Variants in UTRN observed in about 807,000 individuals in gnomAD.
UTRN encodes the protein utrophin, also known as dystrophin-related protein 1.
A neutral mutation model predicts 463.9 loss-of-function variants in UTRN; 283 were observed. The ratio of observed to expected loss-of-function variants is 0.61; its 90% CI spans 0.55 to 0.67. UTRN has a LOEUF of 0.67. Among genes scored for constraint, UTRN ranks in the 30% least tolerant of loss-of-function variants. UTRN has a pLI of 0.00. For synonymous variants in UTRN, 1,442 were observed against 1,431.5 expected (o/e 1.01, Z -0.17); for missense variants, 3,922 against 4,084.3 (o/e 0.96, Z 1.08).
At chr6:144,788,370 A>G (rs1776464569) in intron 61 of UTRN, among the ~76,000 whole-genome samples, 1 of 152,164 alleles carries the variant, frequency 6.6e-6, no homozygotes. Flanking sequence ...CTTAATTAAT[A>G]CTTAATTACC....
intron 51 of UTRN, 115 bp from the exon 52 acceptor site, chr6:144,678,291 A>AT: frequency 9.9e-7 from 1 of 1,014,812 alleles, no homozygotes; most frequent in Non-Finnish European, 1.4e-6. Context: ...AAGCACTTGA[A>AT]TTTCTTATAA....
Position 144,686,017 on chromosome 6 carries a change from T to C in UTRN, c.7652+7439T>C, listed in dbSNP as rs141986180. Among the ~76,000 whole-genome samples, 1,407 of 152,304 alleles carry C rather than the reference T, an allele frequency of 9.2e-3. 17 individuals are homozygous for C. Among genetic ancestry groups the C allele is most frequent in the African/African-American group, 0.032 (1,346 of 41,584 alleles). On this transcript the variant is annotated intron_variant, in intron 52 of 74. Transcript: ENST00000367545. ...TTTCCTAGAATTTCTTCTAAAATTGTTAATGGTTTCAGGTCTTAGATTTAA... is the reference window on the plus strand; with the variant it reads ...TTTCCTAGAATTTCTTCTAAAATTGCTAATGGTTTCAGGTCTTAGATTTAA...
intron 74 of UTRN, among the ~76,000 whole-genome samples, chr6:144,849,227 G>C (rs1210222154): frequency 6.6e-6 from 1 of 152,088 alleles, no homozygotes; most frequent in Non-Finnish European, 1.5e-5. Context: ...ATCTCTATAT[G>C]ACTAGAATAC....
At position 144,426,330 on chromosome 6, in the gene UTRN, C is replaced by T. The variant is rs755926708; in HGVS notation, c.449C>T (p.Thr150Met). Residue 150 changes from threonine to methionine, a missense_variant, in exon 7 of 75, where the codon ACG (threonine) becomes ATG (methionine). Coordinates refer to ENST00000367545, the MANE Select transcript of UTRN (RefSeq NM_007124.3). Reference sequence around the variant, plus strand: ...GATGTCATGTCGGACCTGCAGCAGACGAACAGTGAGAAGATCCTGCTCAGC... The same window carrying T: ...GATGTCATGTCGGACCTGCAGCAGATGAACAGTGAGAAGATCCTGCTCAGC... ...MKDVMSDLQQ[T>M]NSEKILLSWV... The T allele has an allele frequency of 2.2e-5, 36 of 1,614,022 alleles. No individual in the cohort carries two copies. The highest frequency in any genetic ancestry group is 1.7e-4 in the Middle Eastern group (1 of 6,058).
chr6:144,525,490 C>CA (rs1796488912), intron 41 of UTRN, among the ~76,000 whole-genome samples: 1 of 151,852 alleles, frequency 6.6e-6, no homozygotes, highest in Non-Finnish European at 1.5e-5. Context: ...TTCATAATAG[C>CA]CTTGATCTTT....
chr6:144,613,427 T>G (rs1472849097), intron 51 of UTRN, among the ~76,000 whole-genome samples: 1 of 152,058 alleles, frequency 6.6e-6, no homozygotes, highest in Non-Finnish European at 1.5e-5. Flanking sequence ...AATCGGTTAA[T>G]TAGTTTGATT....
chr6:144,541,805 G>A (rs1233255935), intron 45 of UTRN, among the ~76,000 whole-genome samples: 1 of 152,190 alleles, frequency 6.6e-6, no homozygotes, highest in East Asian at 1.9e-4. Flanking sequence ...GCTGTGGAAG[G>A]TTTTGTTGAA....
rs201450683 is a variant in UTRN at position 144,489,059 on chromosome 6, T to TTATTC, written c.4134+225_4134+226insTATTC. On this transcript the variant is annotated intron_variant, in intron 30 of 74. Transcript: ENST00000367545. ...TTATTTTATTTTATTTTATTTTATT[T>TTATTC]ATTTATTTGAGACAGAATCCCACTA... Among the ~76,000 whole-genome samples, 74 of 152,020 alleles carry TTATTC rather than the reference T, an allele frequency of 4.9e-4. 1 individual carries two copies. The highest frequency in any genetic ancestry group is 1.6e-3 in the African/African-American group (66 of 41,436).
intron 52 of UTRN, among the ~76,000 whole-genome samples, chr6:144,696,203 A>T (rs963085362): frequency 2.0e-5 from 3 of 148,688 alleles, no homozygotes; most frequent in East Asian, 2.0e-4. Context: ...AAACTACTAA[A>T]TTTTTTTTTT....
chr6:144,616,167 G>A (rs1425018888), intron 51 of UTRN, among the ~76,000 whole-genome samples: 4 of 152,134 alleles, frequency 2.6e-5, no homozygotes, highest in Non-Finnish European at 1.5e-5. Flanking sequence ...CAGTTACTCT[G>A]AATTAGATAA....
intron 9 of UTRN, among the ~76,000 whole-genome samples, chr6:144,434,054 T>C (rs1320161584): frequency 6.6e-6 from 1 of 152,204 alleles, no homozygotes; most frequent in African/African-American, 2.4e-5. Flanking sequence ...CTGGGCACCA[T>C]TGAGCGCTGA....
intron 51 of UTRN, among the ~76,000 whole-genome samples, chr6:144,578,384 G>T (rs888309341): frequency 3.3e-5 from 5 of 152,130 alleles, no homozygotes; most frequent in Admixed American, 6.5e-5. Flanking sequence ...GCCCAGGCTG[G>T]AGTGTAGTGG....
intron 25 of UTRN, among the ~76,000 whole-genome samples, chr6:144,478,219 T>C (rs185990175): frequency 3.2e-4 from 48 of 152,318 alleles, no homozygotes; most frequent in Middle Eastern, 6.8e-3. Context: ...AAAGGAACAT[T>C]TTAATGCCAA....
chr6:144,423,951 C>G, intron 5 of UTRN, 35 bp from the exon 6 acceptor site: 2 of 1,595,126 alleles, frequency 1.3e-6, no homozygotes, highest in South Asian at 1.1e-5. Flanking sequence ...GTCTTAAAAG[C>G]GTTTTTGTTT....
chr6:144,744,628 C>T (rs1325975883), intron 54 of UTRN, among the ~76,000 whole-genome samples: 3 of 55,860 alleles, frequency 5.4e-5, no homozygotes, highest in Non-Finnish European at 7.7e-5. Context: ...CACACACACA[C>T]ATACACACAC....
At chr6:144,798,255 G>A (rs73594586) in intron 64 of UTRN, among the ~76,000 whole-genome samples, 4,855 of 152,094 alleles carry the variant, frequency 0.032, 255 homozygotes, top group African/African-American at 0.11. Flanking sequence ...TGTTTACTTA[G>A]GTCACAGAAA....
intron 63 of UTRN, among the ~76,000 whole-genome samples, chr6:144,796,992 G>A (rs1006900495): frequency 1.3e-5 from 2 of 152,032 alleles, no homozygotes; most frequent in African/African-American, 4.8e-5. Flanking sequence ...AATTGAAGAG[G>A]GATTGGGGAG....
intron 50 of UTRN, among the ~76,000 whole-genome samples, chr6:144,567,596 G>A (rs1049701522): frequency 4.6e-5 from 7 of 152,254 alleles, no homozygotes; most frequent in African/African-American, 1.7e-4. Flanking sequence ...ATGCTTTAAT[G>A]TATTTCCCAG....
At chr6:144,654,085 TG>T (rs536452564) in intron 51 of UTRN, among the ~76,000 whole-genome samples, 8 of 152,222 alleles carry the variant, frequency 5.3e-5, no homozygotes, top group Non-Finnish European at 1.2e-4. Flanking sequence ...TGACTTTTTG[TG>T]GGAAACCATA....
Sources: gnomAD v4.1 joint callset for allele counts (sites outside exome capture counted in the v4.1 genomes callset) on GRCh38, gnomAD v4.1.1 for gene constraint, MANE v1.5 for transcripts, NCBI Gene and HGNC (gene_info 2026-07-23, HGNC 2026-07-21) for gene names.